Variants in KCNN2 observed in about 807,000 individuals in gnomAD.
KCNN2 encodes potassium calcium-activated channel subfamily N member 2, also known as small conductance calcium-activated potassium channel protein 2.
Under a neutral mutation model 55.5 loss-of-function variants are expected in KCNN2, and 24 were observed. The ratio of observed to expected loss-of-function variants is 0.43; its 90% CI spans 0.31 to 0.61. KCNN2 has a LOEUF of 0.61. Among genes scored for constraint, KCNN2 ranks in the 20% least tolerant of loss-of-function variants. The pLI, the probability that KCNN2 is intolerant of heterozygous loss-of-function variation, is 0.08. For synonymous variants in KCNN2, 431 were observed against 336.1 expected (o/e 1.28, Z -3.09); for missense variants, 754 against 853.6 (o/e 0.88, Z 1.45).
At chr5:114,439,356 A>C (rs1760126777) in intron 3 of KCNN2, among the ~76,000 whole-genome samples, 1 of 151,734 alleles carries the variant, frequency 6.6e-6, no homozygotes, top group Admixed American at 6.6e-5. Context: ...AGAACATGGT[A>C]TATAATCTCA....
intron 2 of KCNN2, among the ~76,000 whole-genome samples, chr5:114,349,996 C>A (rs759725733): frequency 6.6e-6 from 1 of 151,878 alleles, no homozygotes; most frequent in Non-Finnish European, 1.5e-5. Flanking sequence ...TCTTTAGTGG[C>A]CAATGATGTA....
At chr5:114,312,115 T>C (rs1756400548) in intron 2 of KCNN2, among the ~76,000 whole-genome samples, 2 of 151,952 alleles carry the variant, frequency 1.3e-5, no homozygotes, top group Non-Finnish European at 2.9e-5. Context: ...AAGAGAAATC[T>C]CTCTGGCTTT....
intron 2 of KCNN2, among the ~76,000 whole-genome samples, chr5:114,345,031 T>C (rs1186324085): frequency 6.6e-6 from 1 of 152,174 alleles, no homozygotes; most frequent in African/African-American, 2.4e-5. Flanking sequence ...AGGTTACTCA[T>C]TTCAGCATTT....
intron 3 of KCNN2, among the ~76,000 whole-genome samples, chr5:114,432,902 C>T (rs1476181326): frequency 6.6e-6 from 1 of 152,216 alleles, no homozygotes; most frequent in African/African-American, 2.4e-5. Flanking sequence ...CTCACTGGGC[C>T]TTAGCTGCCT....
intron 4 of KCNN2, among the ~76,000 whole-genome samples, chr5:114,466,769 A>G (rs1417483345): frequency 6.6e-6 from 1 of 152,112 alleles, no homozygotes; most frequent in Non-Finnish European, 1.5e-5. Context: ...TATTCAATAA[A>G]TGGTTCTCTA....
rs1273106110 is a variant in KCNN2 at position 114,472,826 on chromosome 5, G to GT, written c.1780-222dup. The stretch of plus-strand genomic sequence containing the variant: ...GCCATTTATTTCTTAGAATGGAAAT[G>GT]TTTTTTCCAAATATGCTTTTGTTCT... On this transcript the variant is annotated intron_variant, in intron 4 of 7. Coordinates refer to ENST00000673685, the MANE Select transcript of KCNN2 (RefSeq NM_021614.4). 6.6e-5 allele frequency among the ~76,000 whole-genome samples: 10 copies of GT among 152,242 alleles called. No homozygotes were observed. In the East Asian group the frequency reaches 1.9e-3, roughly 29 times the overall value.
chr5:114,187,039 C>T (rs1753347681), intron 1 of KCNN2, among the ~76,000 whole-genome samples: 1 of 152,096 alleles, frequency 6.6e-6, no homozygotes. Flanking sequence ...AATATATTAT[C>T]ATTAATTAAG....
chr5:114,453,422 A>G (rs1324347888), intron 3 of KCNN2, among the ~76,000 whole-genome samples: 1 of 152,200 alleles, frequency 6.6e-6, no homozygotes, highest in Non-Finnish European at 1.5e-5. Context: ...CCTCTTAGAA[A>G]CTTTTTAAGA....
chr5:114,462,949 T>C lies in KCNN2; in HGVS notation c.1638-100T>C, dbSNP rs1761275228. The stretch of plus-strand genomic sequence containing the variant: ...TTGAAAACTTCTAAATATAGCAGTT[T>C]ATAGAAGATACAGTAAATTCGTTGA... On this transcript the variant is annotated intron_variant, in intron 3 of 7. Coordinates refer to ENST00000673685, the MANE Select transcript of KCNN2 (RefSeq NM_021614.4). The C allele has an allele frequency of 5.2e-6, 6 of 1,144,390 alleles. No homozygotes were observed. In the South Asian group the frequency reaches 9.2e-5, roughly 18 times the overall value. 70.9% of individuals were successfully genotyped at this position (1,144,390 alleles called of 1,614,324 possible). A position where few individuals can be genotyped will look rare whatever the true frequency, so the allele number is the denominator to read the frequency against.
intron 2 of KCNN2, among the ~76,000 whole-genome samples, chr5:114,258,297 T>C (rs775755486): frequency 2.0e-5 from 3 of 152,172 alleles, no homozygotes; most frequent in African/African-American, 4.8e-5. Context: ...TATTACTCTG[T>C]AGTTTTTTAC....
At chr5:114,373,658 A>ATATATATATATATATATATATATATATAT (rs1554084191) in intron 2 of KCNN2, among the ~76,000 whole-genome samples, 134 of 104,446 alleles carry the variant, frequency 1.3e-3, no homozygotes, top group Non-Finnish European at 1.6e-3. Context: ...ATATATATAT[A>ATATATATATATATATATATATATATATAT]AAATTACTTG....
At chr5:114,493,575 T>A (rs147245450) in intron 7 of KCNN2, 103 bp downstream of exon 7, 1 of 788,552 alleles carries the variant, frequency 1.3e-6, no homozygotes, top group Non-Finnish European at 2.2e-6. Flanking sequence ...CCAAATCTAA[T>A]TAATAAATCA....
At chr5:114,441,087 G>T (rs1346778761) in intron 3 of KCNN2, among the ~76,000 whole-genome samples, 2 of 151,770 alleles carry the variant, frequency 1.3e-5, no homozygotes, top group Non-Finnish European at 2.9e-5. Flanking sequence ...AAACTAGTAG[G>T]AATAAAAAAA....
chr5:114,147,497 G>T (rs776000403), intron 1 of KCNN2, among the ~76,000 whole-genome samples: 3 of 152,110 alleles, frequency 2.0e-5, no homozygotes, highest in Non-Finnish European at 2.9e-5. Flanking sequence ...TTCAACAAGA[G>T]AATCATTTTG....
intron 3 of KCNN2, among the ~76,000 whole-genome samples, chr5:114,435,232 A>G (rs1759963830): frequency 1.3e-5 from 2 of 151,520 alleles, no homozygotes; most frequent in African/African-American, 2.4e-5. Flanking sequence ...TTTAAGTATC[A>G]TTACCTGAGG....
chr5:114,289,078 A>G (rs1755830275), intron 2 of KCNN2, among the ~76,000 whole-genome samples: 2 of 152,186 alleles, frequency 1.3e-5, no homozygotes, highest in Non-Finnish European at 2.9e-5. Context: ...CAGTTTTACC[A>G]GCACCATTTG....
chr5:114,179,340 C>T (rs1361042947), intron 1 of KCNN2, among the ~76,000 whole-genome samples: 3 of 152,198 alleles, frequency 2.0e-5, no homozygotes, highest in Non-Finnish European at 4.4e-5. Flanking sequence ...CAGTTCCTTT[C>T]CACATGTGCT....
chr5:114,311,057 T>A (rs1188707893), intron 2 of KCNN2, among the ~76,000 whole-genome samples: 2 of 152,052 alleles, frequency 1.3e-5, no homozygotes, highest in Non-Finnish European at 2.9e-5. Flanking sequence ...TTCTGCAAAT[T>A]TGGGCAGTGA....
intron 2 of KCNN2, among the ~76,000 whole-genome samples, chr5:114,311,360 T>C (rs898662776): frequency 6.6e-6 from 1 of 152,164 alleles, no homozygotes; most frequent in Non-Finnish European, 1.5e-5. Flanking sequence ...TAGCAATGAC[T>C]ACTTTATAAA....
Sources: allele counts gnomAD v4.1 joint callset (sites outside exome capture counted in the v4.1 genomes callset), GRCh38; gene constraint gnomAD v4.1.1; transcripts MANE v1.5; gene names NCBI Gene and HGNC (gene_info 2026-07-23, HGNC 2026-07-21).